Variants in ZNF410 observed in about 807,000 individuals in gnomAD.
ZNF410 encodes the protein zinc finger protein 410, also known as another partner for ARF 1.
Under a neutral mutation model 54.8 loss-of-function variants are expected in ZNF410, and 18 were observed. The observed-to-expected ratio is 0.33, with a 90% CI of 0.23 to 0.49. The LOEUF (loss-of-function observed/expected upper bound fraction) is 0.49, where lower values mean the gene tolerates loss of function less well. Among genes scored for constraint, ZNF410 ranks in the 20% least tolerant of loss-of-function variants. The pLI is 0.99. For missense variants in ZNF410, 405 were observed against 569.6 expected, an observed-to-expected ratio of 0.71 and a Z score of 2.94; for synonymous variants, 191 against 207.3, an observed-to-expected ratio of 0.92 and a Z score of 0.68.
chr14:73,926,677 C>G (rs1482941881), intron 11 of ZNF410, among the ~76,000 whole-genome samples: 1 of 152,142 alleles, frequency 6.6e-6, no homozygotes, highest in Non-Finnish European at 1.5e-5. Context: ...TCAAGTGATC[C>G]ACCCACCTCG....
intron 11 of ZNF410, chr14:73,924,900 A>C (rs1169597159): frequency 9.6e-6 from 3 of 311,974 alleles, no homozygotes; most frequent in Non-Finnish European, 1.9e-5. Context: ...GATGGTCTCG[A>C]TCTCTTGACC....
At position 73,897,939 on chromosome 14, in the gene ZNF410, T is replaced by G. The variant is rs954785157; in HGVS notation, c.389-132T>G. ...GTAAGCCGAGATTGCGCCACTGCACTCCAGCCTGGGTGACAGAGCGAGACG... is the reference window on the plus strand; with the variant it reads ...GTAAGCCGAGATTGCGCCACTGCACGCCAGCCTGGGTGACAGAGCGAGACG... On this transcript the variant is annotated intron_variant, in intron 4 of 11. Coordinates refer to ENST00000555044, the MANE Select transcript of ZNF410 (RefSeq NM_021188.3). The G allele has an allele frequency of 2.8e-5, 23 of 833,234 alleles. 2 individuals carry two copies. In the Admixed American group the frequency reaches 4.9e-4, roughly 18 times the overall value. The allele number at this position is 833,234 out of a possible 1,614,324, so 51.6% of individuals were successfully genotyped here.
Position 73,924,387 on chromosome 14 carries a change from A to G in ZNF410, c.1398+865A>G, listed in dbSNP as rs144189730. ...CCTGGTTCCTAACAGGGCACGGACC[A>G]GTGCTGGTCCATGGCCTGGGGGTTG... On this transcript the variant is annotated intron_variant, in intron 11 of 11. Coordinates refer to ENST00000555044, the MANE Select transcript of ZNF410 (RefSeq NM_021188.3). Among the ~76,000 whole-genome samples, 457 of 152,286 alleles carry G rather than the reference A, an allele frequency of 3.0e-3. 1 individual carries two copies. The highest frequency in any genetic ancestry group is 4.7e-3 in the Non-Finnish European group (319 of 68,024).
At chr14:73,910,284 CTT>C (rs781650673) in intron 8 of ZNF410, among the ~76,000 whole-genome samples, 6 of 152,168 alleles carry the variant, frequency 3.9e-5, no homozygotes, top group Non-Finnish European at 8.8e-5. Flanking sequence ...GATGAGAAGA[CTT>C]TTTTTCAGTC....
chr14:73,901,041 TTA>T (rs1405558868), intron 5 of ZNF410, among the ~76,000 whole-genome samples: 1 of 152,242 alleles, frequency 6.6e-6, no homozygotes, highest in African/African-American at 2.4e-5. Context: ...TGAAGTCACT[TTA>T]TGAGTCCTCT....
chr14:73,887,348 C>G (rs1266910780), intron 1 of ZNF410: 1 of 152,250 alleles, frequency 6.6e-6, no homozygotes, highest in East Asian at 1.9e-4. Context: ...GAGCTACCCT[C>G]TCCTTTCATA....
Position 73,896,392 on chromosome 14 carries a change from G to A in ZNF410, c.246G>A (p.Val82=). 1 of 1,614,196 alleles carries A rather than the reference G, an allele frequency of 6.2e-7. No homozygotes were observed. Among genetic ancestry groups the A allele is most frequent in the Non-Finnish European group, 8.5e-7 (1 of 1,180,036 alleles). The stretch of plus-strand genomic sequence containing the variant: ...TTTTGAGAAGCCTTCGGGTGAATGT[G>A]GGTCCAGACGGAGAGGAGACGAGAG... The part of the protein sequence containing the change: ...SAVLRSLRVN[V]GPDGEETRAQ... The change falls in exon 4 of 12, where the codon GTG becomes GTA. Residue 82 remains valine, a synonymous_variant. Transcript: ENST00000555044.
Position 73,903,855 on chromosome 14 carries a change from C to A in ZNF410, c.581-105C>A, listed in dbSNP as rs143266216. The A allele has an allele frequency of 4.8e-4, 673 of 1,413,318 alleles. 5 individuals carry two copies. The African/African-American group carries it at 8.7e-3, about 18-fold the overall frequency. The allele number at this position is 1,413,318 out of a possible 1,614,324, so 87.5% of individuals were successfully genotyped here. On this transcript the variant is annotated intron_variant, in intron 5 of 11. Coordinates refer to ENST00000555044, the MANE Select transcript of ZNF410 (RefSeq NM_021188.3). Reference sequence around the variant, plus strand: ...TAACTGGGGAAGATGAAGATAGATACCTGATTAATGATCACTAGGAGTAAA... The same window carrying A: ...TAACTGGGGAAGATGAAGATAGATAACTGATTAATGATCACTAGGAGTAAA...
chr14:73,890,270 C>A (rs533101504), intron 1 of ZNF410, among the ~76,000 whole-genome samples: 1 of 151,688 alleles, frequency 6.6e-6, no homozygotes, highest in East Asian at 1.9e-4. Context: ...CTCACTGCAA[C>A]CTCCATCTCT....
intron 7 of ZNF410, among the ~76,000 whole-genome samples, chr14:73,905,994 T>TATATATATATATATATAC (rs1293177402): frequency 1.5e-5 from 2 of 136,560 alleles, no homozygotes; most frequent in African/African-American, 5.8e-5. Flanking sequence ...TATATATATA[T>TATATATATATATATATAC]ACACACATAC....
intron 7 of ZNF410, among the ~76,000 whole-genome samples, chr14:73,908,340 A>G (rs2055524251): frequency 6.6e-6 from 1 of 152,068 alleles, no homozygotes; most frequent in Admixed American, 6.6e-5. Flanking sequence ...TCTTTAGTTC[A>G]TCTTTTGAAA....
chr14:73,899,710 C>T lies in ZNF410; in HGVS notation c.580+1448C>T, dbSNP rs148040825. ...TCCCTGCCTTGGGCAGTTTAACCTCCCTTAGCTTCAATTTTCTTACGATCT... is the reference window on the plus strand; with the variant it reads ...TCCCTGCCTTGGGCAGTTTAACCTCTCTTAGCTTCAATTTTCTTACGATCT... On this transcript the variant is annotated intron_variant, in intron 5 of 11. Transcript: ENST00000555044. 5.9e-5 allele frequency among the ~76,000 whole-genome samples: 9 copies of T among 152,278 alleles called. No homozygotes were observed. The East Asian group carries it at 1.7e-3, about 29-fold the overall frequency.
intron 1 of ZNF410, among the ~76,000 whole-genome samples, chr14:73,887,614 A>G (rs972760365): frequency 2.0e-4 from 30 of 152,350 alleles, no homozygotes; most frequent in African/African-American, 7.2e-4. Context: ...TTGGGACTTA[A>G]GAATTAGTAC....
intron 7 of ZNF410, among the ~76,000 whole-genome samples, chr14:73,905,968 C>CATACATATATATATAT (rs1555353430): frequency 6.3e-5 from 5 of 78,930 alleles, no homozygotes; most frequent in East Asian, 3.0e-4. Flanking sequence ...CACACACACA[C>CATACATATATATATAT]ATATATATAT....
intron 11 of ZNF410, among the ~76,000 whole-genome samples, chr14:73,930,622 C>T (rs949653389): frequency 5.9e-5 from 9 of 151,992 alleles, no homozygotes; most frequent in African/African-American, 1.4e-4. Context: ...TGTCTGAAAA[C>T]AGTCTCAGTC....
chr14:73,905,968 C>CACACACACACATATAT (rs1461702433), intron 7 of ZNF410, among the ~76,000 whole-genome samples: 3 of 78,942 alleles, frequency 3.8e-5, no homozygotes, highest in African/African-American at 1.3e-4. Context: ...CACACACACA[C>CACACACACACATATAT]ATATATATAT....
intron 8 of ZNF410, chr14:73,909,722 A>G (rs968808649): frequency 6.3e-5 from 16 of 255,120 alleles, no homozygotes; most frequent in Non-Finnish European, 9.8e-5. Flanking sequence ...TACATAAAAC[A>G]TGGACCCTCT....
At chr14:73,896,071 G>A in intron 3 of ZNF410, 1 of 500,014 alleles carries the variant, frequency 2.0e-6, no homozygotes, top group East Asian at 3.4e-5. Context: ...TGAATGGTTG[G>A]TTATTCACCA....
At chr14:73,903,482 A>G (rs2055438126) in intron 5 of ZNF410, among the ~76,000 whole-genome samples, 1 of 151,774 alleles carries the variant, frequency 6.6e-6, no homozygotes, top group Non-Finnish European at 1.5e-5. Context: ...TTGCATTTCT[A>G]TTGTTTCATT....
Sources: allele counts gnomAD v4.1 joint callset (sites outside exome capture counted in the v4.1 genomes callset), GRCh38; gene constraint gnomAD v4.1.1; transcripts MANE v1.5; gene names NCBI Gene and HGNC (gene_info 2026-07-23, HGNC 2026-07-21).